EPHA7: variants seen among roughly 807,000 people sequenced by gnomAD.
The protein encoded by EPHA7 is EPH receptor A7, also known as ephrin type-A receptor 7.
A neutral mutation model predicts 112.6 loss-of-function variants in EPHA7; 25 were observed. The observed-to-expected ratio is 0.22, with a 90% CI of 0.16 to 0.31. The LOEUF is 0.31. Among genes scored for constraint, EPHA7 ranks in the 10% least tolerant of loss-of-function variants. The probability of loss-of-function intolerance (pLI) is 1.00; values close to 1 mark genes in which losing one functional copy is unlikely to be tolerated. For synonymous variants in EPHA7, 437 were observed against 406.5 expected (o/e 1.07, Z -0.90); for missense variants, 962 against 1,212.6 (o/e 0.79, Z 3.07).
intron 5 of EPHA7, among the ~76,000 whole-genome samples, chr6:93,286,597 T>C (rs1448322667): frequency 1.3e-5 from 2 of 152,156 alleles, no homozygotes; most frequent in Non-Finnish European, 2.9e-5. Context: ...ATTTCTTCTC[T>C]GAATATAGAA....
At position 93,419,296 on chromosome 6, in the gene EPHA7, T is replaced by A; in HGVS notation, c.46A>T (p.Ile16Phe). Residue 16 changes from isoleucine to phenylalanine, a missense_variant, in exon 1 of 17, where the codon ATC (isoleucine) becomes TTC (phenylalanine). Physicochemically the swap from Ile to Phe is conservative, Grantham distance 21. Transcript: ENST00000369303. ...GTGTGTGCAAAGCGGAGCAGCCAGA[T>A]GTAGCATAAAATAATCCATGAAGGG... ...RYPSWIILCY[I>F]WLLRFAHTGE... 6.2e-7 allele frequency: 1 copy of A among 1,614,142 alleles called. No individual in the cohort carries two copies. The highest frequency in any genetic ancestry group is 8.5e-7 in the Non-Finnish European group (1 of 1,180,000).
intron 3 of EPHA7, among the ~76,000 whole-genome samples, chr6:93,387,964 T>C (rs1582647621): frequency 6.6e-6 from 1 of 151,818 alleles, no homozygotes; most frequent in Non-Finnish European, 1.5e-5. Flanking sequence ...GATAGATAGA[T>C]AGATAGATAG....
chr6:93,289,880 C>T (rs1772270554), intron 5 of EPHA7, among the ~76,000 whole-genome samples: 1 of 152,080 alleles, frequency 6.6e-6, no homozygotes, highest in African/African-American at 2.4e-5. Context: ...TTTAAATGGT[C>T]ATCACAATGA....
At chr6:93,280,653 G>A (rs1424402486) in intron 5 of EPHA7, among the ~76,000 whole-genome samples, 1 of 152,106 alleles carries the variant, frequency 6.6e-6, no homozygotes, top group Non-Finnish European at 1.5e-5. Context: ...TATTTGCTGT[G>A]TGACCTTGAG....
chr6:93,417,362 AG>A (rs1178615033), intron 1 of EPHA7, among the ~76,000 whole-genome samples: 1 of 152,010 alleles, frequency 6.6e-6, no homozygotes, highest in Non-Finnish European at 1.5e-5. Flanking sequence ...TGCGCCCTAG[AG>A]GCGTCGCCGC....
chr6:93,370,889 T>TA (rs1776756384), intron 3 of EPHA7, among the ~76,000 whole-genome samples: 1 of 150,676 alleles, frequency 6.6e-6, no homozygotes, highest in Admixed American at 6.6e-5. Context: ...CTCACGCCTG[T>TA]AATCCCAGCA....
chr6:93,315,153 C>T (rs1473104004), intron 5 of EPHA7, among the ~76,000 whole-genome samples: 3 of 150,324 alleles, frequency 2.0e-5, no homozygotes, highest in Non-Finnish European at 2.9e-5. Flanking sequence ...TGAGCCACCG[C>T]GCCTGGCCGA....
intron 5 of EPHA7, among the ~76,000 whole-genome samples, chr6:93,326,661 TC>T (rs2127894116): frequency 6.6e-6 from 1 of 151,606 alleles, no homozygotes; most frequent in South Asian, 2.1e-4. Context: ...GATCCTGGGA[TC>T]CCATCATAGC....
chr6:93,417,289 C>T (rs1401145771), intron 1 of EPHA7, among the ~76,000 whole-genome samples: 1 of 152,124 alleles, frequency 6.6e-6, no homozygotes, highest in African/African-American at 2.4e-5. Flanking sequence ...AGCGCTAGCC[C>T]TTGGGTACTG....
chr6:93,390,506 TAG>T (rs1376020004), intron 3 of EPHA7, among the ~76,000 whole-genome samples: 1 of 151,036 alleles, frequency 6.6e-6, no homozygotes, highest in East Asian at 1.9e-4. Context: ...GAACATATGC[TAG>T]AGTCTTTAGG....
chr6:93,385,637 C>G (rs536513843), intron 3 of EPHA7, among the ~76,000 whole-genome samples: 1 of 152,040 alleles, frequency 6.6e-6, no homozygotes, highest in African/African-American at 2.4e-5. Flanking sequence ...TTGTCTTGTT[C>G]TACTCCCATG....
At position 93,259,487 on chromosome 6, in the gene EPHA7, G is replaced by T; in HGVS notation, c.1799-8C>A. 1 of 1,610,556 alleles carries T rather than the reference G, an allele frequency of 6.2e-7. No individual in the cohort carries two copies. The highest frequency in any genetic ancestry group is 1.1e-5 in the South Asian group (1 of 91,004). On this transcript the variant is annotated splice_region_variant and splice_polypyrimidine_tract_variant and intron_variant, in intron 9 of 16. Coordinates refer to ENST00000369303, the MANE Select transcript of EPHA7 (RefSeq NM_004440.4). Reference sequence around the variant, plus strand: ...TGGTGCCTGGAAATTTAACTGTAATGATGTAAGAAAGCATGACTGTGATGA... The same window carrying T: ...TGGTGCCTGGAAATTTAACTGTAATTATGTAAGAAAGCATGACTGTGATGA...
chr6:93,360,909 A>C (rs2127950081), intron 3 of EPHA7, among the ~76,000 whole-genome samples: 1 of 152,216 alleles, frequency 6.6e-6, no homozygotes, highest in Non-Finnish European at 1.5e-5. Context: ...AAAGAGCCAA[A>C]GTTTGACACT....
chr6:93,368,705 T>C (rs1417403895), intron 3 of EPHA7, among the ~76,000 whole-genome samples: 1 of 152,214 alleles, frequency 6.6e-6, no homozygotes, highest in Non-Finnish European at 1.5e-5. Context: ...TAAAGAGCTA[T>C]ACTTCTATGC....
At chr6:93,247,990 A>G (rs770708156) in intron 14 of EPHA7, among the ~76,000 whole-genome samples, 7 of 152,172 alleles carry the variant, frequency 4.6e-5, no homozygotes, top group Non-Finnish European at 1.0e-4. Flanking sequence ...GAAGAGAACA[A>G]GAAGACAAAC....
chr6:93,394,365 C>T (rs942467404), intron 3 of EPHA7, among the ~76,000 whole-genome samples: 1 of 151,540 alleles, frequency 6.6e-6, no homozygotes, highest in Admixed American at 6.6e-5. Flanking sequence ...AAAGTCAGAA[C>T]TCAGCGAAGT....
intron 3 of EPHA7, among the ~76,000 whole-genome samples, chr6:93,360,076 T>G (rs532216881): frequency 7.2e-5 from 11 of 152,240 alleles, no homozygotes; most frequent in African/African-American, 2.6e-4. Flanking sequence ...CAAAGATGCA[T>G]AATGCATCTT....
At chr6:93,301,426 T>TA (rs1360101844) in intron 5 of EPHA7, among the ~76,000 whole-genome samples, 2 of 152,122 alleles carry the variant, frequency 1.3e-5, no homozygotes, top group African/African-American at 4.8e-5. Flanking sequence ...TTTTCTGCTG[T>TA]AAAAAACTGA....
chr6:93,273,332 A>G, intron 5 of EPHA7, among the ~76,000 whole-genome samples: 1 of 151,928 alleles, frequency 6.6e-6, no homozygotes, highest in East Asian at 1.9e-4. Flanking sequence ...TGTTTCATGT[A>G]CCATGCTCTA....
Sources: gnomAD v4.1 joint callset for allele counts (sites outside exome capture counted in the v4.1 genomes callset) on GRCh38, gnomAD v4.1.1 for gene constraint, MANE v1.5 for transcripts, NCBI Gene and HGNC (gene_info 2026-07-23, HGNC 2026-07-21) for gene names.